Variants in ARSJ observed in about 807,000 individuals in gnomAD.
ARSJ encodes the protein arylsulfatase J.
In ARSJ, 26 loss-of-function variants were observed where a neutral mutation model predicts 35.9. The observed-to-expected ratio is 0.72, with a 90% CI of 0.53 to 1.00. The LOEUF (loss-of-function observed/expected upper bound fraction) is 1.00, where lower values mean the gene tolerates loss of function less well. Ranked by LOEUF, ARSJ falls within the 50% of genes least tolerant of loss-of-function variation. ARSJ has a pLI of 0.00. For synonymous variants in ARSJ, 294 were observed against 267.6 expected, an observed-to-expected ratio of 1.10 and a Z score of -0.96; for missense variants, 667 against 723.6, an observed-to-expected ratio of 0.92 and a Z score of 0.90.
At chr4:113,958,399 C>T (rs1264450321) in intron 1 of ARSJ, among the ~76,000 whole-genome samples, 1 of 151,978 alleles carries the variant, frequency 6.6e-6, no homozygotes, top group East Asian at 1.9e-4. Flanking sequence ...AAGGCATTAT[C>T]AATATTATGA....
rs182815815 is a variant in ARSJ at position 113,925,523 on chromosome 4, G to T, written c.399-21848C>A. Among the ~76,000 whole-genome samples the T allele has an allele frequency of 2.7e-3, 407 of 152,228 alleles. 3 individuals are homozygous for T. Among genetic ancestry groups the T allele is most frequent in the Admixed American group, 5.0e-3 (77 of 15,276 alleles). ...TTGTCACCTAGTTAGCGTTGTAATTGTGATTTCAAAAGGCCACTCCACCAT... is the reference window on the plus strand; with the variant it reads ...TTGTCACCTAGTTAGCGTTGTAATTTTGATTTCAAAAGGCCACTCCACCAT... On this transcript the variant is annotated intron_variant, in intron 1 of 1. Coordinates refer to ENST00000315366, the MANE Select transcript of ARSJ (RefSeq NM_024590.4).
At chr4:113,934,190 T>C (rs552067156) in intron 1 of ARSJ, among the ~76,000 whole-genome samples, 18 of 151,892 alleles carry the variant, frequency 1.2e-4, no homozygotes, top group Admixed American at 2.0e-4. Flanking sequence ...TGGAAAACAG[T>C]ATGGAGGTTT....
chr4:113,949,166 A>T (rs1482499245), intron 1 of ARSJ, among the ~76,000 whole-genome samples: 3 of 151,774 alleles, frequency 2.0e-5, no homozygotes, highest in East Asian at 3.9e-4. Context: ...CAGGGAGGGG[A>T]ACATAACAGG....
In ARSJ at chr4:113,902,680, T is replaced by G. The variant is rs2099667507; in HGVS notation, c.1394A>C (p.Asp465Ala). 1 of 1,614,084 alleles carries G rather than the reference T, an allele frequency of 6.2e-7. No individual in the cohort carries two copies. Among genetic ancestry groups the G allele is most frequent in the African/African-American group, 1.3e-5 (1 of 74,930 alleles). Residue 465 changes from aspartate (D) to alanine (A), a missense_variant, in exon 2 of 2, where the codon GAC becomes GCC. Coordinates refer to ENST00000315366, the MANE Select transcript of ARSJ (RefSeq NM_024590.4). ...GCTGAAAGACTGAGGGGGGACCCAG[T>G]CGCTGTAGCCAGGATTTCCTGTAAG... is the stretch of plus-strand genomic sequence containing the variant. ...KLLTGNPGYS[D>A]WVPPQSFSNL...
chr4:113,958,506 C>G (rs1487711631), intron 1 of ARSJ, among the ~76,000 whole-genome samples: 4 of 152,030 alleles, frequency 2.6e-5, no homozygotes, highest in African/African-American at 7.2e-5. Context: ...CCAAACTAGA[C>G]ACCTATGATA....
rs74286180 is a variant in ARSJ at position 113,969,745 on chromosome 4, T to C, written c.398+8692A>G. Among the ~76,000 whole-genome samples the C allele has an allele frequency of 0.013, 2,049 of 152,328 alleles. 112 individuals carry two copies. In the East Asian group the frequency reaches 0.16, roughly 12 times the overall value. On this transcript the variant is annotated intron_variant, in intron 1 of 1. Coordinates refer to ENST00000315366, the MANE Select transcript of ARSJ (RefSeq NM_024590.4). ...TCCTTACTATAAATTATATGCTATT[T>C]CTTCTCAATCACATTGCCTGCCAGG...
chr4:113,912,056 T>C (rs953521497), intron 1 of ARSJ, among the ~76,000 whole-genome samples: 1 of 152,220 alleles, frequency 6.6e-6, no homozygotes, highest in African/African-American at 2.4e-5. Flanking sequence ...AATAGTGGAA[T>C]GCAATGTTAC....
chr4:113,930,368 GC>G (rs908899672), intron 1 of ARSJ, among the ~76,000 whole-genome samples: 47 of 152,120 alleles, frequency 3.1e-4, no homozygotes, highest in African/African-American at 1.1e-3. Context: ...ACGTTTTTCT[GC>G]CTGCTTTATA....
intron 1 of ARSJ, among the ~76,000 whole-genome samples, chr4:113,954,485 C>G (rs1160349172): frequency 6.6e-6 from 1 of 152,032 alleles, no homozygotes; most frequent in Non-Finnish European, 1.5e-5. Flanking sequence ...AATTCTGCCT[C>G]AATCCAAATA....
At chr4:113,912,416 GA>G (rs913919399) in intron 1 of ARSJ, among the ~76,000 whole-genome samples, 72 of 152,136 alleles carry the variant, frequency 4.7e-4, no homozygotes, top group African/African-American at 1.3e-3. Flanking sequence ...GGTGTGGGAA[GA>G]AACCAGATTA....
chr4:113,921,219 G>C (rs1723658286), intron 1 of ARSJ, among the ~76,000 whole-genome samples: 1 of 151,964 alleles, frequency 6.6e-6, no homozygotes, highest in Non-Finnish European at 1.5e-5. Context: ...TACAAGCCTT[G>C]AGAGAAAAGA....
chr4:113,936,255 C>T (rs1216316237), intron 1 of ARSJ, among the ~76,000 whole-genome samples: 1 of 151,756 alleles, frequency 6.6e-6, no homozygotes, highest in African/African-American at 2.4e-5. Flanking sequence ...CTATTATAAA[C>T]AAGAAAATTT....
At chr4:113,941,142 A>G (rs1725134262) in intron 1 of ARSJ, among the ~76,000 whole-genome samples, 1 of 152,006 alleles carries the variant, frequency 6.6e-6, no homozygotes. Flanking sequence ...AAGAGGGTGA[A>G]TGAGTTCTTT....
chr4:113,965,039 A>G (rs2149282928), intron 1 of ARSJ, among the ~76,000 whole-genome samples: 1 of 152,312 alleles, frequency 6.6e-6, no homozygotes, highest in East Asian at 1.9e-4. Context: ...TAACAAAAAT[A>G]GAACTGGAAT....
intron 1 of ARSJ, among the ~76,000 whole-genome samples, chr4:113,953,114 T>C (rs989109717): frequency 6.6e-6 from 1 of 152,062 alleles, no homozygotes; most frequent in Non-Finnish European, 1.5e-5. Context: ...TTAAGAAATT[T>C]AAGTGGCAAA....
chr4:113,936,268 C>A (rs1724761117), intron 1 of ARSJ, among the ~76,000 whole-genome samples: 1 of 151,746 alleles, frequency 6.6e-6, no homozygotes, highest in Non-Finnish European at 1.5e-5. Flanking sequence ...GAAAATTTGC[C>A]TTGAAAAACA....
At chr4:113,974,640 AG>A (rs1335968635) in intron 1 of ARSJ, among the ~76,000 whole-genome samples, 1 of 152,194 alleles carries the variant, frequency 6.6e-6, no homozygotes, top group Non-Finnish European at 1.5e-5. Context: ...CATAATGACC[AG>A]AGTGGCTAAA....
At chr4:113,955,238 G>A (rs537754214) in intron 1 of ARSJ, among the ~76,000 whole-genome samples, 2 of 152,048 alleles carry the variant, frequency 1.3e-5, no homozygotes, top group Admixed American at 1.3e-4. Context: ...CATAAATCTA[G>A]ATTGAGAAAG....
At chr4:113,906,351 A>T (rs2099668735) in intron 1 of ARSJ, among the ~76,000 whole-genome samples, 1 of 152,198 alleles carries the variant, frequency 6.6e-6, no homozygotes, top group African/African-American at 2.4e-5. Flanking sequence ...AAAATACAGG[A>T]AACGTTTGCA....
Sources: allele counts gnomAD v4.1 joint callset (sites outside exome capture counted in the v4.1 genomes callset), GRCh38; gene constraint gnomAD v4.1.1; transcripts MANE v1.5; gene names NCBI Gene and HGNC (gene_info 2026-07-23, HGNC 2026-07-21).